The following FANCI variants were observed in gnomAD, a reference collection of about 807,000 sequenced individuals.
The protein encoded by FANCI is Fanconi anemia group I protein.
In FANCI, 156 loss-of-function variants were observed where a neutral mutation model predicts 176.1. The ratio of observed to expected loss-of-function variants is 0.89; its 90% CI spans 0.78 to 1.01. The LOEUF (loss-of-function observed/expected upper bound fraction) is 1.01. Among genes scored for constraint, FANCI ranks in the 50% least tolerant of loss-of-function variants. FANCI has a pLI of 0.00. For missense variants in FANCI, 1,678 were observed against 1,534.1 expected, an observed-to-expected ratio of 1.09 and a Z score of -1.57; for synonymous variants, 613 against 541.7, an observed-to-expected ratio of 1.13 and a Z score of -1.83.
chr15:89,254,653 T>A (rs2052416112), intron 2 of FANCI, among the ~76,000 whole-genome samples: 1 of 152,126 alleles, frequency 6.6e-6, no homozygotes, highest in Non-Finnish European at 1.5e-5. Context: ...AAAAATAATT[T>A]AAAAAATTAG....
intron 10 of FANCI, among the ~76,000 whole-genome samples, chr15:89,271,610 C>T (rs2053203125): frequency 6.6e-6 from 1 of 152,078 alleles, no homozygotes; most frequent in Non-Finnish European, 1.5e-5. Context: ...GTGATCCTCC[C>T]ACTGTAGAGT....
At chr15:89,304,939 G>C (rs1385511883) in intron 28 of FANCI, among the ~76,000 whole-genome samples, 176 bp from the exon 29 acceptor site, 1 of 152,196 alleles carries the variant, frequency 6.6e-6, no homozygotes, top group African/African-American at 2.4e-5. Context: ...ACCATGCCCG[G>C]CTAATTTTAT....
Position 89,261,657 on chromosome 15 carries a change from C to T in FANCI, c.361C>T (p.Leu121=). ...TATTAGTGCTGTCAGAGAAGGCAGC[C>T]TAGTGAATGGAAAATCTTTGGAGTT... ...EFISAVREGS[L]VNGKSLELLP... is the part of the protein sequence containing the mutation. Residue 121 remains leucine (L), a synonymous_variant, in exon 5 of 38, where the codon CTA becomes TTA. Coordinates refer to ENST00000310775, the MANE Select transcript of FANCI (RefSeq NM_001113378.2). The T allele has an allele frequency of 6.2e-7, 1 of 1,614,088 alleles. No homozygotes were observed. Among genetic ancestry groups the T allele is most frequent in the Non-Finnish European group, 8.5e-7 (1 of 1,180,000 alleles).
chr15:89,246,475 C>T (rs1222890786), intron 1 of FANCI, among the ~76,000 whole-genome samples: 1 of 152,196 alleles, frequency 6.6e-6, no homozygotes, highest in African/African-American at 2.4e-5. Context: ...AACCTGTTTA[C>T]TTCCAGCCTA....
chr15:89,313,673 C>T (rs1333568726), intron 35 of FANCI, among the ~76,000 whole-genome samples: 1 of 152,084 alleles, frequency 6.6e-6, no homozygotes, highest in East Asian at 1.9e-4. Flanking sequence ...AGCAGTTTCA[C>T]TTTTAGGATA....
At chr15:89,295,221 CATT>C (rs754010952) in intron 24 of FANCI, 127 bp downstream of exon 24, 119 of 1,124,230 alleles carry the variant, frequency 1.1e-4, no homozygotes, top group Non-Finnish European at 1.4e-4. Context: ...GAATATAAAA[CATT>C]AGCCAGGTGG....
At chr15:89,295,732 G>GCCCCCCC (rs150758657) in intron 24 of FANCI, among the ~76,000 whole-genome samples, 3 of 114,456 alleles carry the variant, frequency 2.6e-5, no homozygotes, top group Non-Finnish European at 3.7e-5. Context: ...TTCCCCTGGC[G>GCCCCCCC]CCCCCCCCAC....
intron 37 of FANCI, 121 bp from the exon 38 acceptor site, chr15:89,316,267 TGGGAAAGTG>T (rs2055251826): frequency 1.1e-6 from 1 of 916,676 alleles, no homozygotes; most frequent in Non-Finnish European, 1.7e-6. Flanking sequence ...CTCCTGTGAG[TGGGAAAGTG>T]GGGAAAGCAT....
chr15:89,288,352 C>A (rs2053908159), intron 18 of FANCI, among the ~76,000 whole-genome samples: 1 of 152,106 alleles, frequency 6.6e-6, no homozygotes, highest in South Asian at 2.1e-4. Context: ...AAAATCTTCA[C>A]CCTTATTTAG....
chr15:89,296,419 T>TTTTTG lies in FANCI; in HGVS notation c.2636+1340_2636+1344dup, dbSNP rs572292524. Among the ~76,000 whole-genome samples the TTTTTG allele has an allele frequency of 4.4e-3, 593 of 133,806 alleles. 2 individuals carry two copies. The highest frequency in any genetic ancestry group is 7.8e-3 in the Non-Finnish European group (485 of 61,890). 87.8% of individuals were successfully genotyped at this position (133,806 alleles called of 152,430 possible). On this transcript the variant is annotated intron_variant, in intron 24 of 37. Transcript: ENST00000310775. Reference sequence around the variant, plus strand: ...CACTGTGGCTTTTGTTTTTTCGTTTTTTTTGTTTTGTTTTGTTTTTGTTTT... The same window carrying TTTTTG: ...CACTGTGGCTTTTGTTTTTTCGTTTTTTTTGTTTTGTTTTGTTTTGTTTTTGTTTT...
chr15:89,282,101 T>G (rs149855326), intron 16 of FANCI: 11 of 435,876 alleles, frequency 2.5e-5, no homozygotes, highest in African/African-American at 2.0e-4. Flanking sequence ...TGAGTGACTT[T>G]CCAAAAGTAA....
chr15:89,287,620 C>G (rs536573538), intron 18 of FANCI, among the ~76,000 whole-genome samples: 8 of 152,208 alleles, frequency 5.3e-5, no homozygotes, highest in African/African-American at 1.9e-4. Context: ...CTTGCCTCAG[C>G]TTGTAACATG....
chr15:89,243,981 C>G lies in FANCI; in HGVS notation c.-72C>G, dbSNP rs886051505. On this transcript the variant is annotated 5_prime_UTR_variant, in exon 1 of 38. Coordinates refer to ENST00000310775, the MANE Select transcript of FANCI (RefSeq NM_001113378.2). ...GGGCGGATCTTGTTGTTACGGGTAA[C>G]GGAAGTGTGGCGGCGTTGGGTTGAG... 3 of 152,564 alleles carry G rather than the reference C, an allele frequency of 2.0e-5. No homozygotes were observed. Among genetic ancestry groups the G allele is most frequent in the Non-Finnish European group, 4.4e-5 (3 of 68,338 alleles). The allele number at this position is 152,564 out of a possible 1,614,324, so 9.5% of individuals were successfully genotyped here.
At chr15:89,277,396 A>G (rs2053447489) in intron 13 of FANCI, among the ~76,000 whole-genome samples, 1 of 152,120 alleles carries the variant, frequency 6.6e-6, no homozygotes, top group African/African-American at 2.4e-5. Flanking sequence ...TGGGCAGATC[A>G]CTTGAGCTCA....
intron 12 of FANCI, 143 bp from the exon 13 acceptor site, chr15:89,276,568 G>A (rs1474212890): frequency 7.2e-6 from 6 of 836,778 alleles, no homozygotes; most frequent in Non-Finnish European, 1.1e-5. Context: ...TCTGTCAGAC[G>A]ATGTGTGTAA....
Position 89,247,628 on chromosome 15 carries a change from G to A in FANCI, c.-19-1G>A, listed in dbSNP as rs368288788. On this transcript the variant is annotated splice_acceptor_variant, in intron 1 of 37. Transcript: ENST00000310775. LOFTEE classifies it low-confidence loss of function (5UTR_SPLICE). ...CCACCTCTGACGTTTTTCCCTTGTAGTTCTGTGATATGAGCAACAATGGAC... is the reference window on the plus strand; with the variant it reads ...CCACCTCTGACGTTTTTCCCTTGTAATTCTGTGATATGAGCAACAATGGAC... The A allele has an allele frequency of 3.1e-6, 5 of 1,610,090 alleles. No individual in the cohort carries two copies. The African/African-American group carries it at 5.3e-5, about 17-fold the overall frequency.
chr15:89,255,588 T>C (rs1218649320), intron 2 of FANCI, among the ~76,000 whole-genome samples: 1 of 152,192 alleles, frequency 6.6e-6, no homozygotes, highest in Non-Finnish European at 1.5e-5. Context: ...ACCTGTGTTC[T>C]TGTGAGACCG....
At chr15:89,315,131 G>A (rs1041216725) in intron 36 of FANCI, 151 bp from the exon 37 acceptor site, 7 of 686,054 alleles carry the variant, frequency 1.0e-5, no homozygotes, top group African/African-American at 8.8e-5. Context: ...TTGATCTGAT[G>A]ACCTGAACCC....
At chr15:89,296,050 C>G (rs1250572820) in intron 24 of FANCI, among the ~76,000 whole-genome samples, 3 of 152,158 alleles carry the variant, frequency 2.0e-5, no homozygotes, top group Admixed American at 6.5e-5. Flanking sequence ...TTACTGCAAC[C>G]TCGGCCTCCC....
Sources: gnomAD v4.1 joint callset for allele counts (sites outside exome capture counted in the v4.1 genomes callset) on GRCh38, gnomAD v4.1.1 for gene constraint, MANE v1.5 for transcripts, NCBI Gene and HGNC (gene_info 2026-07-23, HGNC 2026-07-21) for gene names.